The following DNM3 variants were observed in gnomAD, a reference collection of about 807,000 sequenced individuals.
The protein encoded by DNM3 is dynamin 3, also known as dynamin-3.
Under a neutral mutation model 101.6 loss-of-function variants are expected in DNM3, and 47 were observed. The observed-to-expected ratio is 0.46, with a 90% CI of 0.37 to 0.59. The LOEUF (loss-of-function observed/expected upper bound fraction) is 0.59, where lower values mean the gene tolerates loss of function less well. Ranked by LOEUF, DNM3 falls within the 20% of genes least tolerant of loss-of-function variation. The pLI is 0.00. For missense variants in DNM3, 849 were observed against 1,085.7 expected (o/e 0.78, Z 3.06); for synonymous variants, 385 against 387.9 (o/e 0.99, Z 0.09).
intron 2 of DNM3, among the ~76,000 whole-genome samples, chr1:171,932,195 G>A (rs973313251): frequency 6.6e-6 from 1 of 150,384 alleles, no homozygotes; most frequent in Non-Finnish European, 1.5e-5. Flanking sequence ...AGGCTGGAGT[G>A]CGGTGGCATG....
chr1:171,929,951 T>C (rs1036752363), intron 2 of DNM3, among the ~76,000 whole-genome samples: 7 of 152,180 alleles, frequency 4.6e-5, no homozygotes, highest in African/African-American at 1.7e-4. Flanking sequence ...ATAGCAAAGA[T>C]GGTGGCCCAC....
chr1:172,212,838 A>AAG (rs369570579), intron 14 of DNM3, among the ~76,000 whole-genome samples: 3 of 152,068 alleles, frequency 2.0e-5, no homozygotes, highest in African/African-American at 4.8e-5. Context: ...CCAGTACTGG[A>AAG]AGAGAGAGAG....
At chr1:172,413,781 A>AGAT (rs1289296191), downstream of DNM3, among the ~76,000 whole-genome samples, 1 of 152,200 alleles carries the variant, frequency 6.6e-6, no homozygotes, top group African/African-American at 2.4e-5. Flanking sequence ...TGAACTGGAC[A>AGAT]GATTGTTGTG....
chr1:171,886,855 C>CT (rs143567316), intron 1 of DNM3, among the ~76,000 whole-genome samples: 2,141 of 151,390 alleles, frequency 0.014, 57 homozygotes, highest in African/African-American at 0.047. Context: ...TTAAAGCCAA[C>CT]TTTTTTTTTG....
intron 11 of DNM3, among the ~76,000 whole-genome samples, chr1:172,079,389 C>CT (rs991752238): frequency 7.9e-5 from 12 of 151,942 alleles, no homozygotes; most frequent in Non-Finnish European, 1.5e-4. Flanking sequence ...CTCTGATATC[C>CT]TTTTTTCTGC....
intron 14 of DNM3, among the ~76,000 whole-genome samples, chr1:172,247,977 C>A (rs1231844850): frequency 6.6e-6 from 1 of 152,150 alleles, no homozygotes; most frequent in African/African-American, 2.4e-5. Context: ...AGCCACCATA[C>A]CTGGCCTTTA....
At chr1:171,938,193 C>T (rs2041578468) in intron 2 of DNM3, among the ~76,000 whole-genome samples, 1 of 152,150 alleles carries the variant, frequency 6.6e-6, no homozygotes, top group South Asian at 2.1e-4. Context: ...CTAGCTCAGA[C>T]ACCAGCACCC....
At chr1:172,092,076 G>A (rs1410541810) in intron 12 of DNM3, among the ~76,000 whole-genome samples, 1 of 152,180 alleles carries the variant, frequency 6.6e-6, no homozygotes, top group Admixed American at 6.5e-5. Flanking sequence ...AAGGAAGACT[G>A]TGGGTGGAAC....
chr1:172,358,571 C>T (rs1573592444), intron 17 of DNM3, among the ~76,000 whole-genome samples: 1 of 152,024 alleles, frequency 6.6e-6, no homozygotes, highest in African/African-American at 2.4e-5. Context: ...ACAAGACTCT[C>T]AGTCAGCTCC....
chr1:171,853,236 T>A (rs1238049627), intron 1 of DNM3, among the ~76,000 whole-genome samples: 2 of 152,078 alleles, frequency 1.3e-5, no homozygotes, highest in Non-Finnish European at 2.9e-5. Flanking sequence ...TGAAAACTGC[T>A]CACTGCAGCC....
At chr1:172,331,850 G>T (rs905211236) in intron 17 of DNM3, among the ~76,000 whole-genome samples, 1 of 152,146 alleles carries the variant, frequency 6.6e-6, no homozygotes, top group African/African-American at 2.4e-5. Flanking sequence ...AAAAAACAGG[G>T]AAGTGGTGTT....
At chr1:172,017,550 A>G (rs1029763725) in intron 4 of DNM3, among the ~76,000 whole-genome samples, 2 of 152,134 alleles carry the variant, frequency 1.3e-5, no homozygotes, top group African/African-American at 2.4e-5. Context: ...CTGTGATCTG[A>G]TAACAGACAT....
rs550068978 is a variant in DNM3, at chr1:171,894,451, C to A, written c.162-27297C>A. 7.9e-4 allele frequency among the ~76,000 whole-genome samples: 120 copies of A among 152,054 alleles called. 4 individuals are homozygous for A. In the South Asian group the frequency reaches 0.025, roughly 31 times the overall value. On this transcript the variant is annotated intron_variant, in intron 1 of 20. Coordinates refer to ENST00000627582, the MANE Select transcript of DNM3 (RefSeq NM_015569.5). ...ACAGAATCTCTCTGTGTCTCCCAGG[C>A]TGGAGTGCAGTGGCATGATCTCGGC...
At chr1:172,132,204 A>C (rs145683413) in intron 14 of DNM3, among the ~76,000 whole-genome samples, 34 of 152,288 alleles carry the variant, frequency 2.2e-4, no homozygotes, top group Middle Eastern at 6.8e-3. Flanking sequence ...TCTTGGCCTG[A>C]CATCTTTTGA....
At chr1:172,225,106 T>A (rs2061055110) in intron 14 of DNM3, among the ~76,000 whole-genome samples, 1 of 148,686 alleles carries the variant, frequency 6.7e-6, no homozygotes, top group Non-Finnish European at 1.5e-5. Flanking sequence ...TTTTCTTTGG[T>A]GGCATGTCCC....
Position 171,989,145 on chromosome 1 carries a change from C to T in DNM3, c.586C>T (p.Gln196Ter). 1.9e-6 allele frequency: 3 copies of T among 1,612,376 alleles called. No homozygotes were observed. The highest frequency in any genetic ancestry group is 2.5e-6 in the Non-Finnish European group (3 of 1,179,080). ...ALKLAKEVDP[Q>*]GLRTIGVITK... ...GAAGCTAGCTAAAGAAGTTGATCCTCAAGGTGAGTGTGTGACTACTAAGAT... is the reference window on the plus strand; with the variant it reads ...GAAGCTAGCTAAAGAAGTTGATCCTTAAGGTGAGTGTGTGACTACTAAGAT... The change falls in exon 4 of 21, where the codon CAA (glutamine) becomes TAA (stop). Residue 196 changes from glutamine (Q) to a stop codon, truncating the protein, a stop_gained. Coordinates refer to ENST00000627582, the MANE Select transcript of DNM3 (RefSeq NM_015569.5). LOFTEE classifies it high-confidence loss of function.
intron 4 of DNM3, among the ~76,000 whole-genome samples, chr1:172,011,821 G>A (rs2047147678): frequency 6.6e-6 from 1 of 151,756 alleles, no homozygotes; most frequent in Non-Finnish European, 1.5e-5. Flanking sequence ...ATTTCCACTT[G>A]CAAAATGATA....
chr1:172,351,912 T>C (rs985701874), intron 17 of DNM3, among the ~76,000 whole-genome samples: 1 of 152,142 alleles, frequency 6.6e-6, no homozygotes, highest in South Asian at 2.1e-4. Flanking sequence ...GATGAATGGC[T>C]TAAGTGACAA....
At chr1:172,274,164 C>T (rs752873798) in intron 15 of DNM3, among the ~76,000 whole-genome samples, 1 of 152,024 alleles carries the variant, frequency 6.6e-6, no homozygotes, top group Non-Finnish European at 1.5e-5. Flanking sequence ...CCATGTCACT[C>T]AGTCCCCTCC....
Sources: gnomAD v4.1 joint callset for allele counts (sites outside exome capture counted in the v4.1 genomes callset) on GRCh38, gnomAD v4.1.1 for gene constraint, MANE v1.5 for transcripts, NCBI Gene and HGNC (gene_info 2026-07-23, HGNC 2026-07-21) for gene names.